Variants in TBC1D5 observed in about 807,000 individuals in gnomAD.
TBC1D5 encodes the protein TBC1 domain family, member 5.
Under a neutral mutation model 100.3 loss-of-function variants are expected in TBC1D5, and 75 were observed. The observed-to-expected ratio is 0.75, with a 90% CI of 0.62 to 0.91. The LOEUF (loss-of-function observed/expected upper bound fraction) is 0.91, where lower values mean the gene tolerates loss of function less well. Among genes scored for constraint, TBC1D5 ranks in the 40% least tolerant of loss-of-function variants. The pLI, the probability that TBC1D5 is intolerant of heterozygous loss-of-function variation, is 0.00. For missense variants in TBC1D5, 910 were observed against 942.4 expected, an observed-to-expected ratio of 0.97 and a Z score of 0.45; for synonymous variants, 323 against 325.6, an observed-to-expected ratio of 0.99 and a Z score of 0.09.
chr3:17,737,161 G>A (rs1221767131), intron 1 of TBC1D5, among the ~76,000 whole-genome samples: 1 of 152,072 alleles, frequency 6.6e-6, no homozygotes, highest in Admixed American at 6.5e-5. Flanking sequence ...CATCAGGTGG[G>A]AGCCGTTTTT....
intron 15 of TBC1D5, among the ~76,000 whole-genome samples, chr3:17,285,827 A>C (rs2081130009): frequency 6.6e-6 from 1 of 152,232 alleles, no homozygotes; most frequent in Admixed American, 6.5e-5. Context: ...TAATTTAAAA[A>C]GACAAAATTT....
At chr3:17,317,945 C>T (rs1170190164) in intron 13 of TBC1D5, among the ~76,000 whole-genome samples, 4 of 152,038 alleles carry the variant, frequency 2.6e-5, no homozygotes, top group African/African-American at 4.8e-5. Context: ...TATTGCGGCA[C>T]TATTCACAAT....
At chr3:17,172,693 ATGAAATGTAG>A (rs1284253547) in intron 19 of TBC1D5, among the ~76,000 whole-genome samples, 1 of 152,272 alleles carries the variant, frequency 6.6e-6, no homozygotes, top group Admixed American at 6.5e-5. Flanking sequence ...ACTATTTTTA[ATGAAATGTAG>A]TGCCACAAAA....
chr3:17,275,420 T>C (rs1186527048), intron 15 of TBC1D5, among the ~76,000 whole-genome samples: 3 of 152,124 alleles, frequency 2.0e-5, no homozygotes, highest in East Asian at 3.9e-4. Context: ...TGCACACCTG[T>C]AGTCCCAGCT....
chr3:17,682,668 C>T (rs964088446), intron 1 of TBC1D5, among the ~76,000 whole-genome samples: 15 of 151,386 alleles, frequency 9.9e-5, no homozygotes, highest in Admixed American at 2.0e-4. Flanking sequence ...TACCTGTTGT[C>T]GTTACATATT....
At chr3:17,330,468 AT>A (rs1461522954) in intron 13 of TBC1D5, among the ~76,000 whole-genome samples, 1 of 151,888 alleles carries the variant, frequency 6.6e-6, no homozygotes, top group Non-Finnish European at 1.5e-5. Flanking sequence ...TTTAGTGCCT[AT>A]TTCAATTTTT....
chr3:17,431,432 TGTAAA>T (rs1279227900), intron 3 of TBC1D5, among the ~76,000 whole-genome samples: 6 of 152,140 alleles, frequency 3.9e-5, no homozygotes, highest in East Asian at 3.9e-4. Flanking sequence ...CAATATCTAA[TGTAAA>T]GTAACCAGTA....
intron 15 of TBC1D5, among the ~76,000 whole-genome samples, chr3:17,273,809 C>A (rs980308653): frequency 1.3e-3 from 147 of 114,886 alleles, no homozygotes; most frequent in Admixed American, 1.8e-3. Flanking sequence ...CTCTGTATCT[C>A]AAAAAAAAAA....
At chr3:17,415,886 A>G (rs1301440007) in intron 4 of TBC1D5, among the ~76,000 whole-genome samples, 4 of 152,140 alleles carry the variant, frequency 2.6e-5, no homozygotes, top group Admixed American at 1.3e-4. Context: ...GATATTTGCA[A>G]TAACTGGCAA....
chr3:17,650,060 A>G (rs2065390078), intron 1 of TBC1D5, among the ~76,000 whole-genome samples: 2 of 151,910 alleles, frequency 1.3e-5, no homozygotes, highest in Non-Finnish European at 2.9e-5. Context: ...ACCAAATACC[A>G]CATGTTCTCA....
chr3:17,603,929 G>GCCA (rs1479910146), intron 2 of TBC1D5, among the ~76,000 whole-genome samples: 1 of 152,132 alleles, frequency 6.6e-6, no homozygotes, highest in African/African-American at 2.4e-5. Flanking sequence ...ACAGGCGTGA[G>GCCA]CCACCACGCC....
chr3:17,165,907 A>G (rs2066540086), intron 21 of TBC1D5, among the ~76,000 whole-genome samples: 2 of 152,210 alleles, frequency 1.3e-5, no homozygotes, highest in African/African-American at 2.4e-5. Context: ...CTGGCAGGCT[A>G]AGTGCCTCTG....
intron 11 of TBC1D5, 24 bp from the exon 12 acceptor site, chr3:17,374,564 T>C (rs775796626): frequency 1.9e-6 from 3 of 1,609,888 alleles, no homozygotes; most frequent in East Asian, 4.5e-5. Flanking sequence ...AACACAATGC[T>C]ATGTAACTTT....
chr3:17,587,688 A>C (rs2096740959), intron 2 of TBC1D5, among the ~76,000 whole-genome samples: 1 of 152,004 alleles, frequency 6.6e-6, no homozygotes, highest in African/African-American at 2.4e-5. Context: ...TTTCAATCTA[A>C]TTTGAAAAGT....
chr3:17,526,053 T>C (rs984733214), intron 2 of TBC1D5, among the ~76,000 whole-genome samples: 1 of 152,136 alleles, frequency 6.6e-6, no homozygotes, highest in African/African-American at 2.4e-5. Context: ...CTGCTTGTAA[T>C]GGGGAAAAGT....
intron 15 of TBC1D5, among the ~76,000 whole-genome samples, chr3:17,282,290 C>G (rs2080695089): frequency 6.6e-6 from 1 of 152,208 alleles, no homozygotes; most frequent in Non-Finnish European, 1.5e-5. Flanking sequence ...CATTTTAATA[C>G]TTTTCCATTT....
chr3:17,412,355 C>T (rs1226869197), intron 4 of TBC1D5, among the ~76,000 whole-genome samples: 4 of 152,056 alleles, frequency 2.6e-5, no homozygotes, highest in African/African-American at 9.7e-5. Context: ...AGCACCATAG[C>T]CACTGAAATA....
At chr3:17,447,011 G>A (rs1317069006) in intron 3 of TBC1D5, among the ~76,000 whole-genome samples, 1 of 151,822 alleles carries the variant, frequency 6.6e-6, no homozygotes, top group Non-Finnish European at 1.5e-5. Context: ...AAGAAACAAG[G>A]AATACCAAGA....
At chr3:17,439,822 A>C (rs1297943975) in intron 3 of TBC1D5, among the ~76,000 whole-genome samples, 1 of 152,252 alleles carries the variant, frequency 6.6e-6, no homozygotes, top group African/African-American at 2.4e-5. Flanking sequence ...TAGGAAATGT[A>C]CAATATTGTA....
Sources: allele counts gnomAD v4.1 joint callset (sites outside exome capture counted in the v4.1 genomes callset), GRCh38; gene constraint gnomAD v4.1.1; transcripts MANE v1.5; gene names NCBI Gene and HGNC (gene_info 2026-07-23, HGNC 2026-07-21).